The following IRF9 variants were observed in gnomAD, a reference collection of about 807,000 sequenced individuals.
IRF9 encodes the protein interferon regulatory factor 9.
IRF9 carries 13 observed loss-of-function variants against 44.1 expected under a neutral mutation model. That is an observed-to-expected ratio of 0.29 (90% CI 0.19 to 0.47). IRF9 has a LOEUF of 0.47. Ranked by LOEUF, IRF9 falls within the 20% of genes least tolerant of loss-of-function variation. The pLI is 1.00. For missense variants in IRF9, 373 were observed against 496.1 expected (o/e 0.75, Z 2.36); for synonymous variants, 189 against 188.5 (o/e 1.00, Z -0.02).
rs758257095 is a variant in IRF9 at position 24,164,088 on chromosome 14, T to C, written c.603T>C (p.Phe201=). The change falls in exon 6 of 9, where the codon TTT becomes TTC. Residue 201 remains phenylalanine, a synonymous_variant. Coordinates refer to ENST00000396864, the MANE Select transcript of IRF9 (RefSeq NM_006084.5). This position sits in a 1 kb window ranked among gnomAD's most constrained non-coding sequence, Gnocchi z 5.2. The part of the protein sequence containing the change: ...QEVTDTTEAP[F]QGDQRSLEFL... ...TTACAGACACAACTGAGGCCCCCTT[T>C]CAAGGGGATCAGAGGTCCCTGGAGT... 2.5e-6 allele frequency: 4 copies of C among 1,614,000 alleles called. No homozygotes were observed. The East Asian group carries it at 8.9e-5, about 36-fold the overall frequency.
intron 5 of IRF9, 24 bp downstream of exon 5, chr14:24,163,983 G>C: frequency 1.9e-6 from 3 of 1,609,636 alleles, no homozygotes; most frequent in Non-Finnish European, 2.5e-6. Context: ...TGCCTCTTGT[G>C]TCGTCCCCCA....
rs1426208472 is a variant in IRF9 at position 24,164,202 on chromosome 14, G to T, written c.649+68G>T. 1.5e-6 allele frequency: 2 copies of T among 1,290,394 alleles called. No homozygotes were observed. Among genetic ancestry groups the T allele is most frequent in the East Asian group, 4.6e-5 (2 of 43,270 alleles). 79.9% of individuals were successfully genotyped at this position (1,290,394 alleles called of 1,614,324 possible). ...AGGTCTTCCACCTTTGACTATGCAT[G>T]CATTATCTAGTCAGTCAGGGCTTAC... On this transcript the variant is annotated intron_variant, in intron 6 of 8. Transcript: ENST00000396864. The surrounding 1 kb of genome is among the most constrained non-coding windows in gnomAD (Gnocchi z 5.2).
chr14:24,163,761 CG>C, intron 4 of IRF9, 116 bp from the exon 5 acceptor site: 7 of 1,095,688 alleles, frequency 6.4e-6, no homozygotes, highest in Non-Finnish European at 7.8e-6. Flanking sequence ...TCGCTTGAAC[CG>C]GGGGGCGGAG....
intron 2 of IRF9, 124 bp downstream of exon 2, chr14:24,162,448 T>C (rs2038470701): frequency 1.1e-6 from 1 of 949,448 alleles, no homozygotes; most frequent in South Asian, 1.7e-5. Context: ...AGAGGAAAAC[T>C]AGCTGCATCA....
At chr14:24,163,321 C>A in intron 3 of IRF9, 57 bp from the exon 4 acceptor site, 1 of 1,588,246 alleles carries the variant, frequency 6.3e-7, no homozygotes, top group South Asian at 1.2e-5. Flanking sequence ...ACCTCTCCTT[C>A]ACCCTCTGTC....
rs2038517663 is a variant in IRF9 at position 24,166,044 on chromosome 14, T to C, written c.1108-78T>C. On this transcript the variant is annotated intron_variant, in intron 8 of 8. Transcript: ENST00000396864. ...CCAGGAGGCAAAGGGGGTCTCCCAG[T>C]GGGGAAGGAGCTCCTGGGGGTGGTG... The C allele has an allele frequency of 1.9e-6, 3 of 1,573,846 alleles. No homozygotes were observed. The East Asian group carries it at 6.7e-5, about 35-fold the overall frequency.
Position 24,164,360 on chromosome 14 carries a change from T to A in IRF9, c.649+226T>A. On this transcript the variant is annotated intron_variant, in intron 6 of 8. Coordinates refer to ENST00000396864, the MANE Select transcript of IRF9 (RefSeq NM_006084.5). This position sits in a 1 kb window ranked among gnomAD's most constrained non-coding sequence, Gnocchi z 5.2. ...CTATACACTCTCCTGGAAATCTACATTGAGACATTGATTTCATTGGGCCAA... is the reference window on the plus strand; with the variant it reads ...CTATACACTCTCCTGGAAATCTACAATGAGACATTGATTTCATTGGGCCAA... The A allele has an allele frequency of 1.7e-6, 1 of 603,808 alleles. No individual in the cohort carries two copies. The highest frequency in any genetic ancestry group is 1.9e-5 in the African/African-American group (1 of 53,858). The allele number at this position is 603,808 out of a possible 1,614,324, so 37.4% of individuals were successfully genotyped here.
rs753865002 is a variant in IRF9 at position 24,164,178 on chromosome 14, G to A, written c.649+44G>A. 4 of 1,535,040 alleles carry A rather than the reference G, an allele frequency of 2.6e-6. No individual in the cohort carries two copies. The highest frequency in any genetic ancestry group is 2.2e-5 in the South Asian group (2 of 89,436). On this transcript the variant is annotated intron_variant, in intron 6 of 8. Transcript: ENST00000396864. The surrounding 1 kb of genome is among the most constrained non-coding windows in gnomAD (Gnocchi z 5.2). The stretch of plus-strand genomic sequence containing the variant: ...TTTCTCCTGTGCCCTGTGCCCCTGA[G>A]GTCTTCCACCTTTGACTATGCATGC...
chr14:24,164,078 AG>A lies in IRF9; in HGVS notation c.595del (p.Ala199ProfsTer74). ...TCCCTTCCAGTTACAGACACAACTG[AG>A]GCCCCCTTTCAAGGGGATCAGAGGT... ...PEPQEVTDTT[E>X]APFQGDQRSL... On this transcript the variant is annotated frameshift_variant, in exon 6 of 9. Coordinates refer to ENST00000396864, the MANE Select transcript of IRF9 (RefSeq NM_006084.5). LOFTEE classifies it high-confidence loss of function. This position sits in a 1 kb window ranked among gnomAD's most constrained non-coding sequence, Gnocchi z 5.2. The A allele has an allele frequency of 6.2e-7, 1 of 1,614,116 alleles. No individual in the cohort carries two copies. Among genetic ancestry groups the A allele is most frequent in the Non-Finnish European group, 8.5e-7 (1 of 1,179,990 alleles).
chr14:24,163,542 G>C, intron 4 of IRF9, 34 bp downstream of exon 4: 2 of 1,604,396 alleles, frequency 1.2e-6, no homozygotes, highest in Non-Finnish European at 1.7e-6. Context: ...GTGGGCCTAA[G>C]GGCAGGACAG....
rs771580188 is a variant in IRF9 at position 24,163,900 on chromosome 14, G to A, written c.518G>A (p.Gly173Glu). 1.3e-6 allele frequency: 2 copies of A among 1,597,924 alleles called. No individual in the cohort carries two copies. Among genetic ancestry groups the A allele is most frequent in the Non-Finnish European group, 1.7e-6 (2 of 1,176,060 alleles). The change falls in exon 5 of 9, where the codon GGA becomes GAA. Residue 173 changes from glycine to glutamate, a missense_variant. This residue lies in a region of IRF9 where 227 missense variants were observed against 255.3 expected (regional missense o/e 0.89). Transcript: ENST00000396864. Reference sequence around the variant, plus strand: ...CAGGAGGAGGAGGGGGCCAGTGGGGGAGCAGTCCATTCAGACATTGGGAGC... The same window carrying A: ...CAGGAGGAGGAGGGGGCCAGTGGGGAAGCAGTCCATTCAGACATTGGGAGC... ...LNNEEEGASG[G>E]AVHSDIGSSS...
Position 24,164,597 on chromosome 14 carries a change from G to T in IRF9, c.650-17G>T, listed in dbSNP as rs764232925. 10 of 1,568,642 alleles carry T rather than the reference G, an allele frequency of 6.4e-6. No individual in the cohort carries two copies. The highest frequency in any genetic ancestry group is 7.8e-6 in the Non-Finnish European group (9 of 1,150,928). ...TGCATGCTCCTCCAGCACCAGGTAG[G>T]GCTGTTCTATCCCCAGACTACTCAC... On this transcript the variant is annotated splice_polypyrimidine_tract_variant and intron_variant, in intron 6 of 8. Coordinates refer to ENST00000396864, the MANE Select transcript of IRF9 (RefSeq NM_006084.5). This position sits in a 1 kb window ranked among gnomAD's most constrained non-coding sequence, Gnocchi z 5.2.
In IRF9 at chr14:24,164,063, T is replaced by A. The variant is rs375398359; in HGVS notation, c.578T>A (p.Val193Asp). 1.1e-5 allele frequency: 18 copies of A among 1,613,966 alleles called. No individual in the cohort carries two copies. Among genetic ancestry groups the A allele is most frequent in the Non-Finnish European group, 1.4e-5 (16 of 1,179,990 alleles). The change falls in exon 6 of 9, where the codon GTT (valine) becomes GAT (aspartate). Residue 193 changes from valine to aspartate, a missense_variant and splice_region_variant. Val to Asp is a radical substitution (Grantham distance 152). Around this residue, in one of 2 missense-constraint regions of IRF9, gnomAD observed 227 missense variants for 255.3 expected, o/e 0.89. Coordinates refer to ENST00000396864, the MANE Select transcript of IRF9 (RefSeq NM_006084.5). This position sits in a 1 kb window ranked among gnomAD's most constrained non-coding sequence, Gnocchi z 5.2. Reference sequence around the variant, plus strand: ...ACCAGTGCCTTTGCTTCCCTTCCAGTTACAGACACAACTGAGGCCCCCTTT... The same window carrying A: ...ACCAGTGCCTTTGCTTCCCTTCCAGATACAGACACAACTGAGGCCCCCTTT... ...SSSSSPEPQE[V>D]TDTTEAPFQG... is the part of the protein sequence containing the mutation.
Position 24,164,602 on chromosome 14 carries a change from T to C in IRF9, c.650-12T>C. ...GCTCCTCCAGCACCAGGTAGGGCTG[T>C]TCTATCCCCAGACTACTCACTGCTG... On this transcript the variant is annotated splice_polypyrimidine_tract_variant and intron_variant, in intron 6 of 8. Coordinates refer to ENST00000396864, the MANE Select transcript of IRF9 (RefSeq NM_006084.5). The surrounding 1 kb of genome is among the most constrained non-coding windows in gnomAD (Gnocchi z 5.2). The C allele has an allele frequency of 1.3e-6, 2 of 1,574,490 alleles. No individual in the cohort carries two copies. Among genetic ancestry groups the C allele is most frequent in the Non-Finnish European group, 1.7e-6 (2 of 1,154,288 alleles).
Position 24,164,696 on chromosome 14 carries a change from G to T in IRF9, c.732G>T (p.Val244=). Reference sequence around the variant, plus strand: ...TGCAAAGCCTGGATTGCCGCCTTGTGGCTGAGCCCTCAGGCTCTGAGAGCA... The same window carrying T: ...TGCAAAGCCTGGATTGCCGCCTTGTTGCTGAGCCCTCAGGCTCTGAGAGCA... ...AQVQSLDCRL[V]AEPSGSESSM... is the part of the protein sequence containing the mutation. Residue 244 remains valine, a synonymous_variant, in exon 7 of 9, where the codon GTG becomes GTT. Transcript: ENST00000396864. The surrounding 1 kb of genome is among the most constrained non-coding windows in gnomAD (Gnocchi z 5.2). 2 of 1,613,608 alleles carry T rather than the reference G, an allele frequency of 1.2e-6. No individual in the cohort carries two copies. The highest frequency in any genetic ancestry group is 1.7e-6 in the Non-Finnish European group (2 of 1,179,818).
rs201942001 is a variant in IRF9, at chr14:24,164,916, G to A, written c.952G>A (p.Glu318Lys). The change falls in exon 7 of 9, where the codon GAG (glutamate) becomes AAG (lysine). Residue 318 changes from glutamate to lysine, a missense_variant. Physicochemically the swap from Glu to Lys is moderately conservative, Grantham distance 56. This residue lies in a region of IRF9 where 146 missense variants were observed against 240.8 expected (regional missense o/e 0.61). Coordinates refer to ENST00000396864, the MANE Select transcript of IRF9 (RefSeq NM_006084.5). The surrounding 1 kb of genome is among the most constrained non-coding windows in gnomAD (Gnocchi z 5.2). The stretch of plus-strand genomic sequence containing the variant: ...AGGCCCGCATCTGCTGCCCAGCAAC[G>A]AGTGCGTGGAGCTCTTCAGAACCGC... ...GPGPHLLPSN[E>K]CVELFRTAYF... 6 of 1,612,736 alleles carry A rather than the reference G, an allele frequency of 3.7e-6. No homozygotes were observed. The highest frequency in any genetic ancestry group is 1.1e-5 in the South Asian group (1 of 91,066).
At chr14:24,165,428 C>A (rs2038511270) in intron 7 of IRF9, 1 of 582,856 alleles carries the variant, frequency 1.7e-6, no homozygotes, top group African/African-American at 1.9e-5. Context: ...AGCTCCTACT[C>A]AATTCTAAAC....
chr14:24,163,681 T>C (rs2038487724), intron 4 of IRF9, 173 bp downstream of exon 4: 1 of 893,702 alleles, frequency 1.1e-6, no homozygotes, highest in African/African-American at 1.7e-5. Context: ...CTACTAAAAA[T>C]ACAAAAATTA....
Position 24,164,168 on chromosome 14 carries a change from G to T in IRF9, c.649+34G>T. The T allele has an allele frequency of 6.3e-7, 1 of 1,581,038 alleles. No individual in the cohort carries two copies. The highest frequency in any genetic ancestry group is 1.3e-5 in the African/African-American group (1 of 74,296). ...CATTTCTGACTTTCTCCTGTGCCCT[G>T]TGCCCCTGAGGTCTTCCACCTTTGA... On this transcript the variant is annotated intron_variant, in intron 6 of 8. Coordinates refer to ENST00000396864, the MANE Select transcript of IRF9 (RefSeq NM_006084.5). This position sits in a 1 kb window ranked among gnomAD's most constrained non-coding sequence, Gnocchi z 5.2.
Sources: gnomAD v4.1 joint callset for allele counts on GRCh38, gnomAD v4.1.1 for gene constraint, gnomAD v4.1.1 regional missense constraint, Gnocchi (gnomAD v3.1) non-coding constraint, MANE v1.5 for transcripts, NCBI Gene and HGNC (gene_info 2026-07-23, HGNC 2026-07-21) for gene names.